Variants in PARD3 observed in about 807,000 individuals in gnomAD.
PARD3 encodes the protein par-3 family cell polarity regulator, also known as partitioning defective 3 homolog.
Under a neutral mutation model 155.4 loss-of-function variants are expected in PARD3, and 75 were observed. That is an observed-to-expected ratio of 0.48 (90% confidence interval 0.40 to 0.58). The LOEUF is 0.58. PARD3 is among the 20% of genes least tolerant of loss of function. The pLI, the probability that PARD3 is intolerant of heterozygous loss-of-function variation, is 0.00. For synonymous variants in PARD3, 576 were observed against 610.5 expected (o/e 0.94, Z 0.83); for missense variants, 1,642 against 1,721.7 (o/e 0.95, Z 0.82).
intron 12 of PARD3, among the ~76,000 whole-genome samples, chr10:34,370,604 T>C (rs1840486582): frequency 6.6e-6 from 1 of 152,138 alleles, no homozygotes; most frequent in Non-Finnish European, 1.5e-5. Flanking sequence ...CTATCTTTAC[T>C]ACTTAAAGCA....
Position 34,382,923 on chromosome 10 carries a change from C to T in PARD3, c.1017-1G>A. On this transcript the variant is annotated splice_acceptor_variant, in intron 8 of 24. Coordinates refer to ENST00000374788, the MANE Select transcript of PARD3 (RefSeq NM_001184785.2). LOFTEE classifies it high-confidence loss of function. ...GGCTTGGCGAAACATATGTTGTGCT[C>T]TGGGTTTGAGAAAGAATAGAAAATT... 1 of 1,612,552 alleles carries T rather than the reference C, an allele frequency of 6.2e-7. No homozygotes were observed. The highest frequency in any genetic ancestry group is 8.5e-7 in the Non-Finnish European group (1 of 1,179,536).
At chr10:34,611,700 G>A (rs1193533934) in intron 2 of PARD3, among the ~76,000 whole-genome samples, 2 of 151,888 alleles carry the variant, frequency 1.3e-5, no homozygotes, top group Middle Eastern at 3.4e-3. Context: ...CTAAGGCCCC[G>A]TACGCAATTT....
intron 1 of PARD3, among the ~76,000 whole-genome samples, chr10:34,785,778 A>C (rs1840889099): frequency 6.6e-6 from 1 of 152,210 alleles, no homozygotes; most frequent in Non-Finnish European, 1.5e-5. Context: ...GTGGACAGAG[A>C]GAAATTTATC....
At chr10:34,631,532 C>A (rs545088433) in intron 2 of PARD3, among the ~76,000 whole-genome samples, 2 of 152,282 alleles carry the variant, frequency 1.3e-5, no homozygotes, top group South Asian at 4.1e-4. Flanking sequence ...ATGCCTACAG[C>A]ATCACAGGAA....
At chr10:34,304,717 T>C (rs1957319153) in intron 20 of PARD3, among the ~76,000 whole-genome samples, 3 of 152,206 alleles carry the variant, frequency 2.0e-5, no homozygotes. Flanking sequence ...AGTTTCTTCA[T>C]TCATAAAACA....
intron 24 of PARD3, among the ~76,000 whole-genome samples, chr10:34,115,088 T>A (rs1946592051): frequency 1.3e-5 from 2 of 152,060 alleles, no homozygotes; most frequent in South Asian, 4.2e-4. Flanking sequence ...AGGAAAGCCA[T>A]TAAGCCACCA....
chr10:34,138,928 T>G (rs534317890), intron 22 of PARD3, among the ~76,000 whole-genome samples: 1 of 148,392 alleles, frequency 6.7e-6, no homozygotes, highest in African/African-American at 2.5e-5. Context: ...CCAAATTGTA[T>G]CAACAATCCT....
intron 5 of PARD3, among the ~76,000 whole-genome samples, chr10:34,432,675 C>T (rs1431754559): frequency 6.6e-6 from 1 of 152,084 alleles, no homozygotes; most frequent in Non-Finnish European, 1.5e-5. Flanking sequence ...TTATTAGGGA[C>T]CACTTCCCAT....
At chr10:34,126,799 A>T (rs1296368008) in intron 23 of PARD3, among the ~76,000 whole-genome samples, 1 of 151,110 alleles carries the variant, frequency 6.6e-6, no homozygotes, top group African/African-American at 2.4e-5. Context: ...ATAGAGCAAG[A>T]TCTCAGTTTC....
chr10:34,627,597 T>C (rs1424325853), intron 2 of PARD3, among the ~76,000 whole-genome samples: 1 of 152,120 alleles, frequency 6.6e-6, no homozygotes, highest in Non-Finnish European at 1.5e-5. Context: ...GGTGCAGGGC[T>C]GGACTGATGC....
chr10:34,368,839 TAAAAAAAAAA>T (rs71033310), intron 12 of PARD3, among the ~76,000 whole-genome samples: 2 of 108,618 alleles, frequency 1.8e-5, no homozygotes, highest in South Asian at 6.8e-4. Flanking sequence ...ATGAGCAATG[TAAAAAAAAAA>T]AAAAAAAAAA....
intron 21 of PARD3, among the ~76,000 whole-genome samples, chr10:34,282,878 C>T (rs1483663084): frequency 1.3e-5 from 2 of 152,002 alleles, no homozygotes; most frequent in Non-Finnish European, 2.9e-5. Context: ...GTTTGGGAAT[C>T]CCAAAATTGA....
chr10:34,423,621 A>G (rs1262040564), intron 5 of PARD3, among the ~76,000 whole-genome samples: 1 of 152,176 alleles, frequency 6.6e-6, no homozygotes, highest in Non-Finnish European at 1.5e-5. Context: ...AAAAGGAATA[A>G]TTCTTGTAAT....
chr10:34,270,301 C>T (rs1955553989), intron 21 of PARD3, among the ~76,000 whole-genome samples: 1 of 152,046 alleles, frequency 6.6e-6, no homozygotes, highest in Admixed American at 6.6e-5. Flanking sequence ...CACCACCACG[C>T]CTGGCTAATT....
At chr10:34,696,209 ATAATT>A (rs1268141464) in intron 2 of PARD3, 104 bp downstream of exon 2, 14 of 665,180 alleles carry the variant, frequency 2.1e-5, no homozygotes, top group Middle Eastern at 5.1e-4. Flanking sequence ...TGGCCCACAC[ATAATT>A]TAAAGTATGT....
chr10:34,618,928 CTAAGGT>C (rs2091441958), intron 2 of PARD3, among the ~76,000 whole-genome samples: 2 of 152,130 alleles, frequency 1.3e-5, no homozygotes, highest in Non-Finnish European at 2.9e-5. Context: ...TGCCACTTCC[CTAAGGT>C]TTCCTCTTTG....
chr10:34,414,340 C>T (rs1845436598), intron 5 of PARD3, among the ~76,000 whole-genome samples: 1 of 152,128 alleles, frequency 6.6e-6, no homozygotes, highest in African/African-American at 2.4e-5. Flanking sequence ...ACTGCTATGG[C>T]TCAGCTGTTT....
chr10:34,173,323 C>T (rs943616717), intron 22 of PARD3, among the ~76,000 whole-genome samples: 1 of 152,154 alleles, frequency 6.6e-6, no homozygotes, highest in Admixed American at 6.5e-5. Flanking sequence ...CCCATGTCCA[C>T]GGTACCAGGA....
chr10:34,674,589 C>T (rs747135003), intron 2 of PARD3, among the ~76,000 whole-genome samples: 2 of 149,270 alleles, frequency 1.3e-5, no homozygotes, highest in Non-Finnish European at 1.5e-5. Flanking sequence ...CGGGTTCAAG[C>T]GATTCTCCTG....
Sources: gnomAD v4.1 joint callset for allele counts (sites outside exome capture counted in the v4.1 genomes callset) on GRCh38, gnomAD v4.1.1 for gene constraint, MANE v1.5 for transcripts, NCBI Gene and HGNC (gene_info 2026-07-23, HGNC 2026-07-21) for gene names.